Variants in SHC2 observed in about 807,000 individuals in gnomAD.
SHC2 encodes the protein SHC adaptor protein 2.
SHC2 carries 62 observed loss-of-function variants against 60.6 expected under a neutral mutation model. That is an observed-to-expected ratio of 1.02 (90% CI 0.83 to 1.26). The LOEUF is 1.26. SHC2 is among the 50% of genes most tolerant of loss of function. The probability of loss-of-function intolerance (pLI) is 0.00; values close to 1 mark genes in which losing one functional copy is unlikely to be tolerated. For synonymous variants in SHC2, 375 were observed against 372.4 expected, an observed-to-expected ratio of 1.01 and a Z score of -0.08; for missense variants, 873 against 822.2, an observed-to-expected ratio of 1.06 and a Z score of -0.76.
At position 441,830 on chromosome 19, in the gene SHC2, T is replaced by C. The variant is rs1433515925; in HGVS notation, c.469-898A>G. 6.6e-6 allele frequency among the ~76,000 whole-genome samples: 1 copy of C among 152,256 alleles called. No homozygotes were observed. Among genetic ancestry groups the C allele is most frequent in the Non-Finnish European group, 1.5e-5 (1 of 68,044 alleles). ...TGAATAACGTTATGTGAAGTCCACC[T>C]CAGTTTCTTTAAATGATCAACACGC... On this transcript the variant is annotated intron_variant, in intron 1 of 12. Transcript: ENST00000264554. This position sits in a 1 kb window ranked among gnomAD's most constrained non-coding sequence, Gnocchi z 4.9.
At chr19:437,031 G>GCA (rs150186783) in intron 4 of SHC2, among the ~76,000 whole-genome samples, 79 of 150,638 alleles carry the variant, frequency 5.2e-4, no homozygotes, top group Middle Eastern at 6.9e-3. Context: ...CCACACACAT[G>GCA]CACACACACA....
chr19:460,853 C>G lies in SHC2; in HGVS notation c.144G>C (p.Pro48=). 1 of 985,350 alleles carries G rather than the reference C, an allele frequency of 1.0e-6. No homozygotes were observed. Among genetic ancestry groups the G allele is most frequent in the Non-Finnish European group, 1.2e-6 (1 of 831,764 alleles). 61.0% of individuals were successfully genotyped at this position (985,350 alleles called of 1,614,324 possible). A position where few individuals can be genotyped will look rare whatever the true frequency, so the allele number is the denominator to read the frequency against. ...AGGCCCCAGCCGCCCGCGCCGCCGCCGGGCCGCGGCCCAGGAAGCCGCCCG... is the reference window on the plus strand; with the variant it reads ...AGGCCCCAGCCGCCCGCGCCGCCGCGGGGCCGCGGCCCAGGAAGCCGCCCG... ...AAPGGFLGRG[P]AAARAAGASG... The change falls in exon 1 of 13, where the codon CCG becomes CCC. Residue 48 remains proline, a synonymous_variant. Coordinates refer to ENST00000264554, the MANE Select transcript of SHC2 (RefSeq NM_012435.3).
Position 422,580 on chromosome 19 carries a change from G to C in SHC2, c.1310-124C>G, listed in dbSNP as rs1026094481. 2.6e-6 allele frequency: 2 copies of C among 760,818 alleles called. No homozygotes were observed. The highest frequency in any genetic ancestry group is 1.8e-5 in the African/African-American group (1 of 56,564). 47.1% of individuals were successfully genotyped at this position (760,818 alleles called of 1,614,324 possible). On this transcript the variant is annotated intron_variant, in intron 10 of 12. Coordinates refer to ENST00000264554, the MANE Select transcript of SHC2 (RefSeq NM_012435.3). This position sits in a 1 kb window ranked among gnomAD's most constrained non-coding sequence, Gnocchi z 5.0. Reference sequence around the variant, plus strand: ...GTGCACCCGTCGGCCTGCGCTGACCGAGCGCCCACAGCGTATCAGACTCGC... The same window carrying C: ...GTGCACCCGTCGGCCTGCGCTGACCCAGCGCCCACAGCGTATCAGACTCGC...
At position 441,130 on chromosome 19, in the gene SHC2, C is replaced by T. The variant is rs76765123; in HGVS notation, c.469-198G>A. 1.1e-3 allele frequency: 1,064 copies of T among 985,174 alleles called. 13 individuals are homozygous for T. The African/African-American group carries it at 0.018, about 16-fold the overall frequency. The allele number at this position is 985,174 out of a possible 1,614,324, so 61.0% of individuals were successfully genotyped here. A position where few individuals can be genotyped will look rare whatever the true frequency, so the allele number is the denominator to read the frequency against. On this transcript the variant is annotated intron_variant, in intron 1 of 12. Transcript: ENST00000264554. This position sits in a 1 kb window ranked among gnomAD's most constrained non-coding sequence, Gnocchi z 4.9. ...CTGTCCTGCGAGCCGCCCCCTCTGA[C>T]TCCAGGCATGTTTTTCTGTGTTGCT...
chr19:430,659 C>T (rs1157925882), intron 9 of SHC2, 25 bp downstream of exon 9: 2 of 1,607,290 alleles, frequency 1.2e-6, no homozygotes, highest in African/African-American at 2.7e-5. Context: ...TCGTGGGTAC[C>T]CCTTGCAGCC....
chr19:430,084 T>G (rs1178961246), intron 9 of SHC2, among the ~76,000 whole-genome samples: 2 of 112,852 alleles, frequency 1.8e-5, no homozygotes, highest in South Asian at 3.2e-4. Flanking sequence ...AGTACCTATA[T>G]CCCAACGTGC....
At chr19:448,056 C>T (rs1600315497) in intron 1 of SHC2, among the ~76,000 whole-genome samples, 4 of 152,344 alleles carry the variant, frequency 2.6e-5, no homozygotes, top group East Asian at 3.9e-4. Flanking sequence ...AGCGCTTGGG[C>T]TGGAAACGTG....
intron 1 of SHC2, among the ~76,000 whole-genome samples, chr19:459,358 C>A (rs1176851382): frequency 8.8e-6 from 1 of 113,566 alleles, no homozygotes; most frequent in Non-Finnish European, 1.7e-5. Context: ...CTGAAGCCAG[C>A]GTAGGGGGAA....
intron 9 of SHC2, among the ~76,000 whole-genome samples, chr19:428,551 A>C (rs2047742798): frequency 6.6e-6 from 1 of 152,172 alleles, no homozygotes; most frequent in South Asian, 2.1e-4. Context: ...ATCTGCAAAA[A>C]CAAGGGCTAT....
intron 12 of SHC2, among the ~76,000 whole-genome samples, chr19:417,999 C>T (rs540246393): frequency 1.3e-5 from 2 of 152,112 alleles, no homozygotes; most frequent in Non-Finnish European, 2.9e-5. Flanking sequence ...GCTGCTCTCT[C>T]AGCCTTCACT....
Position 418,950 on chromosome 19 carries a change from C to T in SHC2, c.1727G>A (p.Gly576Asp). ...VAAESELHLR[G>D]VVSREP Reference sequence around the variant, plus strand: ...GGCTCAGGGCTCCCGTGAGACCACGCCACGCAGGTGCAGCTCACTCTCGGC... The same window carrying T: ...GGCTCAGGGCTCCCGTGAGACCACGTCACGCAGGTGCAGCTCACTCTCGGC... Residue 576 changes from glycine to aspartate, a missense_variant, in exon 12 of 13, where the codon GGC (glycine) becomes GAC (aspartate). By Grantham distance (94) the Gly-to-Asp change is moderately conservative. Coordinates refer to ENST00000264554, the MANE Select transcript of SHC2 (RefSeq NM_012435.3). 6.3e-7 allele frequency: 1 copy of T among 1,588,470 alleles called. No homozygotes were observed. The highest frequency in any genetic ancestry group is 2.3e-5 in the East Asian group (1 of 43,524).
chr19:445,775 T>C lies in SHC2; in HGVS notation c.469-4843A>G, dbSNP rs1007399074. On this transcript the variant is annotated intron_variant, in intron 1 of 12. Coordinates refer to ENST00000264554, the MANE Select transcript of SHC2 (RefSeq NM_012435.3). This position sits in a 1 kb window ranked among gnomAD's most constrained non-coding sequence, Gnocchi z 4.4. ...TTTGCCGGGCGCGGTGGCTCACGCC[T>C]GTAATCCCAGCACTTTGGGAGGCCG... Among the ~76,000 whole-genome samples the C allele has an allele frequency of 3.3e-5, 5 of 152,176 alleles. No homozygotes were observed. The highest frequency in any genetic ancestry group is 2.1e-4 in the South Asian group (1 of 4,830).
At chr19:459,848 G>T (rs1471531364) in intron 1 of SHC2, among the ~76,000 whole-genome samples, 1 of 152,292 alleles carries the variant, frequency 6.6e-6, no homozygotes, top group East Asian at 1.9e-4. Flanking sequence ...TCAGAAGACG[G>T]GGGACTATGC....
At chr19:419,544 C>G (rs1974224546) in intron 11 of SHC2, 1 of 152,564 alleles carries the variant, frequency 6.6e-6, no homozygotes, top group Non-Finnish European at 1.5e-5. Flanking sequence ...AGCCCGGCCA[C>G]CAGCGGGCGC....
intron 4 of SHC2, among the ~76,000 whole-genome samples, chr19:437,050 C>T (rs535147314): frequency 9.9e-5 from 15 of 152,272 alleles, no homozygotes; most frequent in African/African-American, 1.4e-4. Context: ...CACACACACC[C>T]GAAGCAGCCA....
chr19:418,596 G>A (rs887169448), intron 12 of SHC2, among the ~76,000 whole-genome samples: 9 of 152,236 alleles, frequency 5.9e-5, no homozygotes, highest in African/African-American at 1.9e-4. Flanking sequence ...AGTGAGAGAC[G>A]CCAGACACAG....
At position 453,979 on chromosome 19, in the gene SHC2, C is replaced by T. The variant is rs1975267731; in HGVS notation, c.468+6550G>A. 6.6e-6 allele frequency among the ~76,000 whole-genome samples: 1 copy of T among 152,246 alleles called. No homozygotes were observed. The highest frequency in any genetic ancestry group is 2.4e-5 in the African/African-American group (1 of 41,470). On this transcript the variant is annotated intron_variant, in intron 1 of 12. Transcript: ENST00000264554. The surrounding 1 kb of genome is among the most constrained non-coding windows in gnomAD (Gnocchi z 6.3). ...TGGGAGAACACGGGGTCGGTGTCCA[C>T]AGACCTTGGCACGAACTCTGGCCTC...
At chr19:427,317 C>T (rs1465046282) in intron 9 of SHC2, among the ~76,000 whole-genome samples, 2 of 152,230 alleles carry the variant, frequency 1.3e-5, no homozygotes, top group African/African-American at 4.8e-5. Flanking sequence ...GTGATTAAGG[C>T]CGGCGCTCCG....
In SHC2 at chr19:441,195, C is replaced by T. The variant is rs2075019; in HGVS notation, c.469-263G>A. The T allele has an allele frequency of 3.5e-5, 34 of 980,662 alleles. No homozygotes were observed. The highest frequency in any genetic ancestry group is 3.0e-4 in the African/African-American group (17 of 56,552). The allele number at this position is 980,662 out of a possible 1,614,324, so 60.7% of individuals were successfully genotyped here. A position where few individuals can be genotyped will look rare whatever the true frequency, so the allele number is the denominator to read the frequency against. ...TGGTGGTTCCCCCAGACGCTCTATG[C>T]TGCTTGTTCATTTAACCGTCTTGCC... On this transcript the variant is annotated intron_variant, in intron 1 of 12. Transcript: ENST00000264554. This position sits in a 1 kb window ranked among gnomAD's most constrained non-coding sequence, Gnocchi z 4.9.
Sources: allele counts gnomAD v4.1 joint callset (sites outside exome capture counted in the v4.1 genomes callset), GRCh38; gene constraint gnomAD v4.1.1; non-coding constraint Gnocchi (gnomAD v3.1); transcripts MANE v1.5; gene names NCBI Gene and HGNC (gene_info 2026-07-23, HGNC 2026-07-21).